LATS1: variants seen among roughly 807,000 people sequenced by gnomAD.
The protein encoded by LATS1 is serine/threonine-protein kinase LATS1.
LATS1 carries 25 observed loss-of-function variants against 106.6 expected under a neutral mutation model. The observed-to-expected ratio is 0.23, with a 90% CI of 0.17 to 0.33. The LOEUF (loss-of-function observed/expected upper bound fraction) is 0.33, where lower values mean the gene tolerates loss of function less well. Ranked by LOEUF, LATS1 falls within the 10% of genes least tolerant of loss-of-function variation. The pLI, the probability that LATS1 is intolerant of heterozygous loss-of-function variation, is 1.00. For missense variants in LATS1, 1,040 were observed against 1,382.6 expected, an observed-to-expected ratio of 0.75 and a Z score of 3.93; for synonymous variants, 465 against 455.6, an observed-to-expected ratio of 1.02 and a Z score of -0.26.
At chr6:149,677,210 T>C (rs1350134162) in intron 5 of LATS1, among the ~76,000 whole-genome samples, 1 of 152,216 alleles carries the variant, frequency 6.6e-6, no homozygotes, top group East Asian at 1.9e-4. Context: ...CAGGGTGATG[T>C]AACAAATGTG....
At chr6:149,676,388 TA>T in intron 6 of LATS1, 22 bp from the exon 7 acceptor site, 1 of 1,505,006 alleles carries the variant, frequency 6.6e-7, no homozygotes, top group Non-Finnish European at 9.2e-7. Flanking sequence ...AAGTTATTTA[TA>T]AGCACTTTAA....
At chr6:149,704,874 T>C (rs896803159) in intron 1 of LATS1, among the ~76,000 whole-genome samples, 3 of 130,600 alleles carry the variant, frequency 2.3e-5, no homozygotes, top group Non-Finnish European at 4.7e-5. Context: ...TTTATATTTA[T>C]AGAAATTAAT....
chr6:149,669,892 C>T (rs1373871079), intron 7 of LATS1, among the ~76,000 whole-genome samples: 2 of 151,906 alleles, frequency 1.3e-5, no homozygotes, highest in East Asian at 3.9e-4. Flanking sequence ...AAAACTTAGG[C>T]TGGGCGTGAT....
At chr6:149,696,524 A>G (rs1377383646) in intron 2 of LATS1, among the ~76,000 whole-genome samples, 1 of 134,370 alleles carries the variant, frequency 7.4e-6, no homozygotes. Context: ...ACGTCACTAC[A>G]CTCCAGCCTG....
At chr6:149,695,909 CT>C (rs926462402) in intron 2 of LATS1, among the ~76,000 whole-genome samples, 6 of 148,778 alleles carry the variant, frequency 4.0e-5, no homozygotes, top group Admixed American at 2.7e-4. Context: ...ATTCTTTTTA[CT>C]TTTTTTTTTC....
At position 149,702,252 on chromosome 6, in the gene LATS1, TATAA is replaced by T. The variant is rs1166237328; in HGVS notation, c.-130_-127del. The T allele has an allele frequency of 5.1e-6, 3 of 589,296 alleles. No individual in the cohort carries two copies. Among genetic ancestry groups the T allele is most frequent in the Non-Finnish European group, 8.8e-6 (3 of 339,708 alleles). 36.5% of individuals were successfully genotyped at this position (589,296 alleles called of 1,614,324 possible). ...CCAGGACTGTTAAAATTCTTTACAATATAAATAATTAACTCTGTAAAAGAAAGAA... is the reference window on the plus strand; with the variant it reads ...CCAGGACTGTTAAAATTCTTTACAATATAATTAACTCTGTAAAAGAAAGAA... On this transcript the variant is annotated 5_prime_UTR_variant, in exon 2 of 8. Transcript: ENST00000543571.
chr6:149,692,328 C>T (rs1782807576), intron 3 of LATS1, among the ~76,000 whole-genome samples: 1 of 152,148 alleles, frequency 6.6e-6, no homozygotes, highest in Non-Finnish European at 1.5e-5. Context: ...GGGACACTCA[C>T]TAAACCCATT....
intron 3 of LATS1, among the ~76,000 whole-genome samples, chr6:149,692,996 G>T (rs979720034): frequency 1.3e-5 from 2 of 151,872 alleles, no homozygotes; most frequent in East Asian, 2.0e-4. Flanking sequence ...CAGGTGTGGT[G>T]GCTCACGCCT....
intron 7 of LATS1, among the ~76,000 whole-genome samples, chr6:149,671,228 G>C (rs909479562): frequency 1.3e-5 from 2 of 151,784 alleles, no homozygotes; most frequent in African/African-American, 2.4e-5. Flanking sequence ...CTGCCTCCTG[G>C]GTTCAAGAGA....
intron 7 of LATS1, among the ~76,000 whole-genome samples, chr6:149,673,971 G>A (rs1473701229): frequency 4.0e-5 from 6 of 149,866 alleles, no homozygotes; most frequent in African/African-American, 1.2e-4. Context: ...CACCACACCC[G>A]GCTAATGTAA....
intron 7 of LATS1, among the ~76,000 whole-genome samples, chr6:149,662,869 A>G (rs1027096903): frequency 1.3e-5 from 2 of 151,488 alleles, no homozygotes; most frequent in African/African-American, 4.9e-5. Context: ...AGGAGGTTGA[A>G]GCAGAAGGAT....
At chr6:149,681,061 C>T (rs1782009411) in intron 4 of LATS1, among the ~76,000 whole-genome samples, 2 of 152,180 alleles carry the variant, frequency 1.3e-5, no homozygotes, top group South Asian at 4.1e-4. Flanking sequence ...GTGCGACTCA[C>T]AGTCTACCAC....
intron 3 of LATS1, among the ~76,000 whole-genome samples, chr6:149,685,721 G>A (rs1782338967): frequency 6.6e-6 from 1 of 151,882 alleles, no homozygotes. Context: ...AAAGATAGTA[G>A]GCTATAATTA....
chr6:149,695,248 AAG>A, intron 2 of LATS1, 27 bp from the exon 3 acceptor site: 2 of 1,477,968 alleles, frequency 1.4e-6, no homozygotes, highest in South Asian at 2.4e-5. Flanking sequence ...TTTAAAAAAA[AAG>A]AAACAAAATT....
At chr6:149,700,271 C>T (rs1319035064) in intron 2 of LATS1, among the ~76,000 whole-genome samples, 4 of 152,000 alleles carry the variant, frequency 2.6e-5, no homozygotes, top group Non-Finnish European at 5.9e-5. Context: ...GTCAGGAGTT[C>T]GAGACCAGCC....
At chr6:149,673,091 CTTTTCTTTT>C (rs1351619370) in intron 7 of LATS1, among the ~76,000 whole-genome samples, 1 of 128,850 alleles carries the variant, frequency 7.8e-6, no homozygotes. Flanking sequence ...CTTTTCTTTT[CTTTTCTTTT>C]TTTTTTTTTT....
At chr6:149,689,556 G>A (rs2114866454) in intron 3 of LATS1, among the ~76,000 whole-genome samples, 1 of 152,142 alleles carries the variant, frequency 6.6e-6, no homozygotes, top group Non-Finnish European at 1.5e-5. Context: ...GTGATGCAGT[G>A]GGCAGACTGA....
chr6:149,693,146 C>A (rs924463668), intron 3 of LATS1, among the ~76,000 whole-genome samples: 14 of 151,746 alleles, frequency 9.2e-5, no homozygotes, highest in African/African-American at 3.4e-4. Context: ...ACCTGTAACC[C>A]CAGCTACTCT....
In LATS1 at chr6:149,684,271, TGA is replaced by T; in HGVS notation, c.816_817del (p.Gln273AsnfsTer41). ...CATGTTTCCAGAATAGCGCTTTGTT[TGA>T]GAGTTTGGTTCCCATGAAGGGGGAG... On this transcript the variant is annotated frameshift_variant, in exon 4 of 8. Transcript: ENST00000543571. LOFTEE classifies it high-confidence loss of function. 1 of 1,613,660 alleles carries T rather than the reference TGA, an allele frequency of 6.2e-7. No individual in the cohort carries two copies. Among genetic ancestry groups the T allele is most frequent in the Non-Finnish European group, 8.5e-7 (1 of 1,179,776 alleles).
Sources: gnomAD v4.1 joint callset for allele counts (sites outside exome capture counted in the v4.1 genomes callset) on GRCh38, gnomAD v4.1.1 for gene constraint, MANE v1.5 for transcripts, NCBI Gene and HGNC (gene_info 2026-07-23, HGNC 2026-07-21) for gene names.